The following EBF1 variants were observed in gnomAD, a reference collection of about 807,000 sequenced individuals.
EBF1 encodes the protein EBF transcription factor 1.
EBF1 carries 10 observed loss-of-function variants against 68.4 expected under a neutral mutation model. The ratio of observed to expected loss-of-function variants is 0.15; its 90% CI spans 0.09 to 0.25. The LOEUF is 0.25. Among genes scored for constraint, EBF1 ranks in the 10% least tolerant of loss-of-function variants. The pLI is 1.00. For synonymous variants in EBF1, 298 were observed against 299.8 expected, an observed-to-expected ratio of 0.99 and a Z score of 0.06; for missense variants, 509 against 794.4, an observed-to-expected ratio of 0.64 and a Z score of 4.32.
At chr5:158,873,245 A>C (rs966539526) in intron 6 of EBF1, among the ~76,000 whole-genome samples, 3 of 152,124 alleles carry the variant, frequency 2.0e-5, no homozygotes, top group African/African-American at 7.2e-5. Context: ...CTAAAGACAA[A>C]GATAAGTGAA....
intron 6 of EBF1, among the ~76,000 whole-genome samples, chr5:158,857,147 T>C (rs545070467): frequency 6.6e-6 from 1 of 152,076 alleles, no homozygotes; most frequent in Admixed American, 6.6e-5. Context: ...CTAACCCTGT[T>C]AGATCCTTCT....
chr5:158,717,549 A>G (rs909742347), intron 11 of EBF1, among the ~76,000 whole-genome samples: 1 of 152,108 alleles, frequency 6.6e-6, no homozygotes, highest in African/African-American at 2.4e-5. Flanking sequence ...TCTTTTCATA[A>G]TGTTTAAAAC....
At chr5:159,092,434 T>C (rs113575649) in intron 4 of EBF1, among the ~76,000 whole-genome samples, 2 of 152,324 alleles carry the variant, frequency 1.3e-5, no homozygotes, top group African/African-American at 4.8e-5. Context: ...TCATTTCTAA[T>C]GAAGCTTCAT....
At chr5:158,894,343 GT>G (rs1474542026) in intron 6 of EBF1, among the ~76,000 whole-genome samples, 4 of 150,882 alleles carry the variant, frequency 2.7e-5, no homozygotes, top group Non-Finnish European at 4.4e-5. Context: ...TTTTTCTTTG[GT>G]TCTTAAAAAT....
At chr5:158,797,068 G>A (rs76945321) in intron 8 of EBF1, among the ~76,000 whole-genome samples, 3,610 of 152,134 alleles carry the variant, frequency 0.024, 159 homozygotes, top group African/African-American at 0.083. Context: ...CAGGTCACTC[G>A]GGGTGAATTA....
intron 6 of EBF1, among the ~76,000 whole-genome samples, chr5:158,866,786 A>C (rs1026025006): frequency 6.8e-6 from 1 of 146,306 alleles, no homozygotes; most frequent in Non-Finnish European, 1.5e-5. Context: ...TCCAAACTAT[A>C]AACTATACAC....
intron 7 of EBF1, among the ~76,000 whole-genome samples, chr5:158,832,771 C>T (rs983229191): frequency 6.6e-6 from 1 of 152,112 alleles, no homozygotes; most frequent in Non-Finnish European, 1.5e-5. Context: ...GTTAAGCAAA[C>T]AGCAAAGATT....
At chr5:158,809,083 C>T (rs1217687298) in intron 8 of EBF1, among the ~76,000 whole-genome samples, 3 of 152,158 alleles carry the variant, frequency 2.0e-5, no homozygotes, top group Non-Finnish European at 4.4e-5. Flanking sequence ...ATCACCCCAA[C>T]TAGTCAACGC....
chr5:158,878,128 A>G (rs419235), intron 6 of EBF1, among the ~76,000 whole-genome samples: 117,802 of 151,534 alleles, frequency 0.78, 46,472 homozygotes, highest in South Asian at 0.88. Flanking sequence ...CAAATGCAGA[A>G]TCCAAAAAGT....
intron 8 of EBF1, among the ~76,000 whole-genome samples, chr5:158,814,992 G>A (rs1783432813): frequency 3.3e-5 from 5 of 152,156 alleles, no homozygotes; most frequent in Admixed American, 3.3e-4. Context: ...TGAAAAGTCT[G>A]TTGAAGATAC....
At chr5:159,095,732 G>T (rs1229130127) in intron 3 of EBF1, 57 bp from the exon 4 acceptor site, 2 of 1,576,380 alleles carry the variant, frequency 1.3e-6, no homozygotes, top group Non-Finnish European at 8.7e-7. Flanking sequence ...CGGAGGGTGG[G>T]TGGACAATAA....
chr5:158,988,258 T>C (rs903558604), intron 6 of EBF1, among the ~76,000 whole-genome samples: 2 of 152,172 alleles, frequency 1.3e-5, no homozygotes, highest in African/African-American at 4.8e-5. Flanking sequence ...AATTGTACTT[T>C]TCCTTTCGTA....
chr5:158,928,348 A>C (rs1810114796), intron 6 of EBF1, among the ~76,000 whole-genome samples: 1 of 152,216 alleles, frequency 6.6e-6, no homozygotes. Context: ...TTTTTCAGAA[A>C]TATATTATCA....
At chr5:159,094,815 T>G (rs1179886583) in intron 4 of EBF1, among the ~76,000 whole-genome samples, 1 of 152,184 alleles carries the variant, frequency 6.6e-6, no homozygotes, top group East Asian at 1.9e-4. Context: ...TACTTAATTC[T>G]GAAACTAAAC....
intron 8 of EBF1, among the ~76,000 whole-genome samples, chr5:158,803,620 A>G (rs917700986): frequency 2.1e-4 from 32 of 152,192 alleles, no homozygotes; most frequent in African/African-American, 7.2e-4. Context: ...GTACCAGAGT[A>G]TGCAAACTTC....
intron 6 of EBF1, among the ~76,000 whole-genome samples, chr5:159,026,483 C>T (rs762114014): frequency 3.9e-5 from 6 of 152,022 alleles, no homozygotes; most frequent in Non-Finnish European, 5.9e-5. Flanking sequence ...ACTGTGGGGG[C>T]AGAAATAACA....
rs575689005 is a variant in EBF1 at position 158,873,851 on chromosome 5, C to T, written c.555-33741G>A. ...ACAGGTACCACTTAAAAGCATCCAG[C>T]AGTATGTAGGTATACAGTGAGAAGT... On this transcript the variant is annotated intron_variant, in intron 6 of 15. Transcript: ENST00000313708. Among the ~76,000 whole-genome samples, 6 of 152,284 alleles carry T rather than the reference C, an allele frequency of 3.9e-5. No homozygotes were observed. In the South Asian group the frequency reaches 1.2e-3, roughly 32 times the overall value.
intron 10 of EBF1, among the ~76,000 whole-genome samples, chr5:158,772,634 G>A (rs1285919394): frequency 6.6e-6 from 1 of 151,876 alleles, no homozygotes; most frequent in Non-Finnish European, 1.5e-5. Flanking sequence ...CTTTTATTTG[G>A]GGTTGACAGG....
intron 6 of EBF1, among the ~76,000 whole-genome samples, chr5:158,897,269 C>T (rs1039871217): frequency 6.6e-6 from 1 of 152,188 alleles, no homozygotes; most frequent in Non-Finnish European, 1.5e-5. Context: ...CTTTGCGGGA[C>T]ATGGATGGAG....
Sources: gnomAD v4.1 joint callset for allele counts (sites outside exome capture counted in the v4.1 genomes callset) on GRCh38, gnomAD v4.1.1 for gene constraint, MANE v1.5 for transcripts, NCBI Gene and HGNC (gene_info 2026-07-23, HGNC 2026-07-21) for gene names.